MYOM3: variants seen among roughly 807,000 people sequenced by gnomAD.
MYOM3 encodes myomesin 3, also known as myomesin-3.
In MYOM3, 155 loss-of-function variants were observed where a neutral mutation model predicts 191.7. The ratio of observed to expected loss-of-function variants is 0.81; its 90% CI spans 0.71 to 0.92. The LOEUF (loss-of-function observed/expected upper bound fraction) is 0.92. MYOM3 is among the 40% of genes least tolerant of loss of function. The pLI is 0.00. For missense variants in MYOM3, 1,889 were observed against 1,890.6 expected (o/e 1.00, Z 0.02); for synonymous variants, 757 against 762.9 (o/e 0.99, Z 0.13).
In MYOM3 at chr1:24,108,069, C is replaced by T. The variant is rs181068627; in HGVS notation, c.166G>A (p.Glu56Lys). Reference protein sequence around the residue: ...VRRRTFRSSEEEHEFSAADYA... With the variant: ...VRRRTFRSSEKEHEFSAADYA... ...TCCGCGGCGCTGAACTCATGCTCTT[C>T]TTCGCTGCTCCCAGAAGGAGGGGAG... Residue 56 changes from glutamate to lysine, a missense_variant, in exon 3 of 37, where the codon GAA becomes AAA. Physicochemically the swap from Glu to Lys is moderately conservative, Grantham distance 56 (BLOSUM62 1). Coordinates refer to ENST00000374434, the MANE Select transcript of MYOM3 (RefSeq NM_152372.4). The T allele has an allele frequency of 8.6e-5, 138 of 1,613,476 alleles. No homozygotes were observed. In the African/African-American group the frequency reaches 1.4e-3, roughly 17 times the overall value.
intron 20 of MYOM3, 103 bp from the exon 21 acceptor site, chr1:24,076,376 C>T: frequency 2.6e-6 from 2 of 759,886 alleles, no homozygotes; most frequent in East Asian, 2.6e-5. Flanking sequence ...AAACCCTCTC[C>T]CTTCTTGTGT....
At chr1:24,105,519 C>T (rs938209019) in intron 5 of MYOM3, among the ~76,000 whole-genome samples, 1 of 152,240 alleles carries the variant, frequency 6.6e-6, no homozygotes, top group African/African-American at 2.4e-5. Context: ...TCTCATGAGA[C>T]CAGAATCATA....
intron 17 of MYOM3, 77 bp downstream of exon 17, chr1:24,082,516 C>T (rs889452081): frequency 6.7e-7 from 1 of 1,489,090 alleles, no homozygotes; most frequent in Non-Finnish European, 8.9e-7. Context: ...ACTGGGCCCT[C>T]CAAGATGTGA....
intron 5 of MYOM3, 79 bp from the exon 6 acceptor site, chr1:24,099,854 A>T: frequency 1.9e-6 from 2 of 1,034,460 alleles, no homozygotes; most frequent in Non-Finnish European, 3.0e-6. Context: ...TGGGGATTCC[A>T]GCTGCAGGTT....
At chr1:24,069,561 A>G (rs1485050503) in intron 25 of MYOM3, among the ~76,000 whole-genome samples, 1 of 150,910 alleles carries the variant, frequency 6.6e-6, no homozygotes, top group Non-Finnish European at 1.5e-5. Context: ...TGGACCTTTG[A>G]TATATATATA....
At chr1:24,095,101 G>A (rs1211049229) in intron 8 of MYOM3, 111 bp from the exon 9 acceptor site, 4 of 1,176,890 alleles carry the variant, frequency 3.4e-6, no homozygotes, top group Non-Finnish European at 3.6e-6. Context: ...GTCTTGACTA[G>A]GAGAAGGGGA....
intron 15 of MYOM3, 72 bp from the exon 16 acceptor site, chr1:24,084,711 A>C: frequency 1.4e-6 from 2 of 1,402,472 alleles, no homozygotes; most frequent in Non-Finnish European, 2.0e-6. Flanking sequence ...GAAGGGGAGG[A>C]GCATGGGGAG....
rs902145394 is a variant in MYOM3 at position 24,063,972 on chromosome 1, C to A, written c.3622+100G>T. 3 of 909,656 alleles carry A rather than the reference C, an allele frequency of 3.3e-6. No homozygotes were observed. The African/African-American group carries it at 5.0e-5, about 15-fold the overall frequency. 56.3% of individuals were successfully genotyped at this position (909,656 alleles called of 1,614,324 possible). A position where few individuals can be genotyped will look rare whatever the true frequency, so the allele number is the denominator to read the frequency against. ...TAATCTCTTTGTGCCTCAATTTCTCCAAGTGACATGGGGATCCCATAAATC... is the reference window on the plus strand; with the variant it reads ...TAATCTCTTTGTGCCTCAATTTCTCAAAGTGACATGGGGATCCCATAAATC... On this transcript the variant is annotated intron_variant, in intron 30 of 36. Transcript: ENST00000374434. This position sits in a 1 kb window ranked among gnomAD's most constrained non-coding sequence, Gnocchi z 4.5.
intron 25 of MYOM3, among the ~76,000 whole-genome samples, chr1:24,070,675 A>G (rs1643520017): frequency 6.6e-6 from 1 of 152,198 alleles, no homozygotes; most frequent in African/African-American, 2.4e-5. Flanking sequence ...TTCAAGACCA[A>G]CCTGGTCAAC....
intron 7 of MYOM3, 92 bp downstream of exon 7, chr1:24,097,831 C>A: frequency 3.4e-6 from 3 of 886,124 alleles, no homozygotes; most frequent in Non-Finnish European, 5.8e-6. Context: ...TGCCTATGGC[C>A]CTTCCTCAGG....
rs1643374215 is a variant in MYOM3, at chr1:24,061,939, G to A, written c.3934+7C>T. ...GGTTTCCCTGCAGACATAGGTGGAT[G>A]GCTCACCTTGCCCTGAGAGATCTGT... On this transcript the variant is annotated splice_region_variant and intron_variant, in intron 33 of 36. Transcript: ENST00000374434. The A allele has an allele frequency of 6.2e-7, 1 of 1,613,974 alleles. No homozygotes were observed. The highest frequency in any genetic ancestry group is 1.7e-5 in the Admixed American group (1 of 60,004).
rs1258859662 is a variant in MYOM3, at chr1:24,081,456, C to T, written c.2281G>A (p.Val761Ile). Residue 761 changes from valine to isoleucine, a missense_variant and splice_region_variant, in exon 19 of 37, where the codon GTC becomes ATC. Coordinates refer to ENST00000374434, the MANE Select transcript of MYOM3 (RefSeq NM_152372.4). ...QQPIPTRVCK[V>I]SDLHEGHFYE... The stretch of plus-strand genomic sequence containing the variant: ...AAGTGGCCTTCATGAAGGTCACTGA[C>T]CTTTAAGAGCAGAAACACAAACTAT... The T allele has an allele frequency of 1.9e-6, 3 of 1,613,512 alleles. No individual in the cohort carries two copies. The Middle Eastern group carries it at 4.9e-4, about 266-fold the overall frequency.
intron 13 of MYOM3, 100 bp downstream of exon 13, chr1:24,089,965 C>A: frequency 8.0e-7 from 1 of 1,251,270 alleles, no homozygotes; most frequent in African/African-American, 1.5e-5. Context: ...CCTCATCCCC[C>A]ACACCCTGCA....
In MYOM3 at chr1:24,076,291, G is replaced by C; in HGVS notation, c.2587-18C>G. 1 of 1,587,786 alleles carries C rather than the reference G, an allele frequency of 6.3e-7. No homozygotes were observed. The highest frequency in any genetic ancestry group is 8.7e-7 in the Non-Finnish European group (1 of 1,156,014). ...TCGGAAACCTGGGGGCAGAGGGCAAGAGCCAGCACTGAGGACAGCAGTGAC... is the reference window on the plus strand; with the variant it reads ...TCGGAAACCTGGGGGCAGAGGGCAACAGCCAGCACTGAGGACAGCAGTGAC... On this transcript the variant is annotated intron_variant, in intron 20 of 36. Coordinates refer to ENST00000374434, the MANE Select transcript of MYOM3 (RefSeq NM_152372.4).
intron 35 of MYOM3, among the ~76,000 whole-genome samples, chr1:24,060,368 C>T (rs1056359422): frequency 1.3e-5 from 2 of 152,216 alleles, no homozygotes; most frequent in Non-Finnish European, 2.9e-5. Context: ...TCAATGATGC[C>T]ACGCAGAGCG....
At chr1:24,094,762 G>A (rs1643869421) in intron 9 of MYOM3, 91 bp downstream of exon 9, 2 of 1,300,830 alleles carry the variant, frequency 1.5e-6, no homozygotes, top group South Asian at 1.4e-5. Flanking sequence ...GTTGGGGAGA[G>A]TCTCTGTCCG....
chr1:24,081,378 C>T lies in MYOM3; in HGVS notation c.2359G>A (p.Ala787Thr). Residue 787 changes from alanine (A) to threonine (T), a missense_variant, in exon 19 of 37, where the codon GCA (alanine) becomes ACA (threonine). Ala to Thr is a moderately conservative substitution (Grantham distance 58). Transcript: ENST00000374434. ...TTGCACTCAAACAGGCTGCTGGGTG[C>T]CGACAGCTCGCCAACACCTGCCCAG... ...ANWAGVGELS[A>T]PSSLFECKEW... 6.2e-7 allele frequency: 1 copy of T among 1,614,116 alleles called. No homozygotes were observed. Among genetic ancestry groups the T allele is most frequent in the East Asian group, 2.2e-5 (1 of 44,876 alleles).
Position 24,063,673 on chromosome 1 carries a change from G to T in MYOM3, c.3623-143C>A. The T allele has an allele frequency of 1.1e-6, 1 of 929,632 alleles. No individual in the cohort carries two copies. The highest frequency in any genetic ancestry group is 1.7e-6 in the Non-Finnish European group (1 of 589,058). The allele number at this position is 929,632 out of a possible 1,614,324, so 57.6% of individuals were successfully genotyped here. A position where few individuals can be genotyped will look rare whatever the true frequency, so the allele number is the denominator to read the frequency against. On this transcript the variant is annotated intron_variant, in intron 30 of 36. Transcript: ENST00000374434. The surrounding 1 kb of genome is among the most constrained non-coding windows in gnomAD (Gnocchi z 4.5). ...GCAACTCTGTAGGATGACTCTCATAGCTTGGGGATAGGAGGGGGTTCAGGG... is the reference window on the plus strand; with the variant it reads ...GCAACTCTGTAGGATGACTCTCATATCTTGGGGATAGGAGGGGGTTCAGGG...
At chr1:24,059,931 G>A (rs972455021) in intron 35 of MYOM3, among the ~76,000 whole-genome samples, 7 of 152,192 alleles carry the variant, frequency 4.6e-5, no homozygotes, top group African/African-American at 1.7e-4. Context: ...AGGGGAGCAG[G>A]ACCCCAGATG....
Sources: allele counts gnomAD v4.1 joint callset (sites outside exome capture counted in the v4.1 genomes callset), GRCh38; gene constraint gnomAD v4.1.1; non-coding constraint Gnocchi (gnomAD v3.1); transcripts MANE v1.5; gene names NCBI Gene and HGNC (gene_info 2026-07-23, HGNC 2026-07-21).